Variants in SDK1 observed in about 807,000 individuals in gnomAD.
SDK1 encodes protein sidekick-1.
In SDK1, 157 loss-of-function variants were observed where a neutral mutation model predicts 245.5. That is an observed-to-expected ratio of 0.64 (90% confidence interval 0.56 to 0.73). The LOEUF (loss-of-function observed/expected upper bound fraction) is 0.73, where lower values mean the gene tolerates loss of function less well. SDK1 is among the 30% of genes least tolerant of loss of function. The pLI is 0.00. For missense variants in SDK1, 3,583 were observed against 3,002.3 expected (o/e 1.19, Z -4.52); for synonymous variants, 1,647 against 1,278.5 (o/e 1.29, Z -6.15).
chr7:4,242,408 T>C (rs577330087), intron 43 of SDK1, among the ~76,000 whole-genome samples: 10 of 152,268 alleles, frequency 6.6e-5, no homozygotes, highest in African/African-American at 2.4e-4. Flanking sequence ...AGGATTTTCA[T>C]CACCATAGCC....
At chr7:4,178,387 A>G (rs539733721) in intron 34 of SDK1, 98 bp from the exon 35 acceptor site, 265 of 851,298 alleles carry the variant, frequency 3.1e-4, no homozygotes, top group Non-Finnish European at 4.7e-4. Context: ...CTCTCCTTGG[A>G]GGGTGCTCCT....
chr7:3,337,736 A>G (rs1034937894), intron 1 of SDK1, among the ~76,000 whole-genome samples: 1 of 152,244 alleles, frequency 6.6e-6, no homozygotes, highest in African/African-American at 2.4e-5. Flanking sequence ...GAAAAGCAGC[A>G]CAACATTTTT....
At chr7:3,577,125 C>G (rs979305904) in intron 1 of SDK1, among the ~76,000 whole-genome samples, 6 of 151,972 alleles carry the variant, frequency 3.9e-5, no homozygotes, top group African/African-American at 1.4e-4. Context: ...TCGCCTGCCT[C>G]TGGGCCCCAT....
chr7:4,243,890 C>A (rs191030621), intron 43 of SDK1, among the ~76,000 whole-genome samples: 24 of 152,330 alleles, frequency 1.6e-4, no homozygotes, highest in African/African-American at 4.1e-4. Flanking sequence ...GAAATACGGG[C>A]ACAGTTGATT....
intron 5 of SDK1, among the ~76,000 whole-genome samples, chr7:3,949,513 C>G (rs989775778): frequency 6.6e-6 from 1 of 152,218 alleles, no homozygotes; most frequent in Non-Finnish European, 1.5e-5. Flanking sequence ...CTGCCGCTCA[C>G]GATGGTGGCG....
intron 1 of SDK1, among the ~76,000 whole-genome samples, chr7:3,591,393 T>C (rs919739454): frequency 2.0e-5 from 3 of 152,220 alleles, no homozygotes; most frequent in Non-Finnish European, 1.5e-5. Context: ...CTGGGAAGGA[T>C]CACTGGCCGC....
intron 5 of SDK1, among the ~76,000 whole-genome samples, chr7:3,901,406 T>C (rs1781786539): frequency 6.6e-6 from 1 of 152,162 alleles, no homozygotes; most frequent in South Asian, 2.1e-4. Flanking sequence ...CAGGATGGTC[T>C]CGATCTCTTG....
At chr7:4,209,094 G>A (rs1375069037) in intron 37 of SDK1, among the ~76,000 whole-genome samples, 2 of 152,190 alleles carry the variant, frequency 1.3e-5, no homozygotes, top group Admixed American at 1.3e-4. Context: ...AGGGCCCCTT[G>A]GCATCAAACT....
chr7:4,114,268 G>C lies in SDK1; in HGVS notation c.3817G>C (p.Glu1273Gln). ...CGAGGTGGTGCGGGGCCGGACGCGG[G>C]AGTCAGGTGAGGGGAAGGCGATTCC... Reference protein sequence around the residue: ...WSEVVRGRTRESVPSAAPENV... With the variant: ...WSEVVRGRTRQSVPSAAPENV... Residue 1273 changes from glutamate (E) to glutamine (Q), a missense_variant, in exon 25 of 45, where the codon GAG becomes CAG. Physicochemically the swap from Glu to Gln is conservative, Grantham distance 29. Transcript: ENST00000404826. The C allele has an allele frequency of 6.3e-7, 1 of 1,599,536 alleles. No homozygotes were observed. The highest frequency in any genetic ancestry group is 2.3e-5 in the East Asian group (1 of 44,302).
intron 1 of SDK1, among the ~76,000 whole-genome samples, chr7:3,597,893 T>C (rs1781118253): frequency 6.6e-6 from 1 of 152,232 alleles, no homozygotes; most frequent in African/African-American, 2.4e-5. Flanking sequence ...AACAGTACTT[T>C]GACCGTTTAT....
At chr7:3,933,123 CTTTTTTTT>C (rs11364780) in intron 5 of SDK1, among the ~76,000 whole-genome samples, 3 of 83,260 alleles carry the variant, frequency 3.6e-5, no homozygotes, top group African/African-American at 1.7e-4. Context: ...GCTCCTGGAT[CTTTTTTTT>C]TTTTTTTTTT....
chr7:4,168,736 G>A (rs748638751), intron 32 of SDK1, among the ~76,000 whole-genome samples: 3 of 152,212 alleles, frequency 2.0e-5, no homozygotes, highest in Non-Finnish European at 2.9e-5. Flanking sequence ...ATTCTGGGGC[G>A]AGAGGGAGGC....
chr7:4,119,385 G>T (rs1268805731), intron 25 of SDK1, among the ~76,000 whole-genome samples: 2 of 148,340 alleles, frequency 1.3e-5, no homozygotes, highest in Non-Finnish European at 3.0e-5. Context: ...AGCCCAGGAG[G>T]TCGAGCCTGC....
At chr7:3,522,328 A>G (rs1436502439) in intron 1 of SDK1, among the ~76,000 whole-genome samples, 4 of 152,178 alleles carry the variant, frequency 2.6e-5, no homozygotes, top group African/African-American at 7.2e-5. Context: ...TGAAGTGATT[A>G]TATGAGGATC....
intron 44 of SDK1, among the ~76,000 whole-genome samples, chr7:4,264,446 C>T (rs1583205427): frequency 2.4e-5 from 3 of 124,904 alleles, no homozygotes; most frequent in South Asian, 2.8e-4. Context: ...TAAGGAAGGC[C>T]GCGTGGACCT....
At chr7:3,811,725 G>A (rs1047390078) in intron 4 of SDK1, among the ~76,000 whole-genome samples, 10 of 152,280 alleles carry the variant, frequency 6.6e-5, no homozygotes, top group Admixed American at 1.3e-4. Context: ...AGAAGCCCCC[G>A]GCCAGAGCTC....
chr7:4,265,306 G>A lies in SDK1; in HGVS notation c.6564G>A (p.Thr2188=), dbSNP rs1436147015. Residue 2188 remains threonine, a synonymous_variant, in exon 45 of 45, where the codon ACG becomes ACA. Coordinates refer to ENST00000404826, the MANE Select transcript of SDK1 (RefSeq NM_152744.4). ...CGCAGCTGCACCCGGTCATCACCAC[G>A]CAGAGCGCGGGCGGCGTCTACACCC... ...AGAQLHPVIT[T]QSAGGVYTPA... The A allele has an allele frequency of 3.2e-6, 5 of 1,564,366 alleles. No homozygotes were observed. The highest frequency in any genetic ancestry group is 2.3e-5 in the South Asian group (2 of 86,964).
At chr7:3,387,716 G>C (rs188259181) in intron 1 of SDK1, among the ~76,000 whole-genome samples, 4 of 152,142 alleles carry the variant, frequency 2.6e-5, no homozygotes, top group Admixed American at 1.3e-4. Flanking sequence ...TGTTTAAGGT[G>C]GTAATCTTTT....
At chr7:3,823,604 ACCCTGACCGAAAAG>A in intron 5 of SDK1, among the ~76,000 whole-genome samples, 1 of 152,342 alleles carries the variant, frequency 6.6e-6, no homozygotes, top group African/African-American at 2.4e-5. Flanking sequence ...TTCAGTTTCT[ACCCTGACCGAAAAG>A]TATATTGAAA....
Sources: allele counts gnomAD v4.1 joint callset (sites outside exome capture counted in the v4.1 genomes callset), GRCh38; gene constraint gnomAD v4.1.1; transcripts MANE v1.5; gene names NCBI Gene and HGNC (gene_info 2026-07-23, HGNC 2026-07-21).